Variants in TRAM1 observed in about 807,000 individuals in gnomAD.
The protein encoded by TRAM1 is translocation associated membrane protein 1.
TRAM1 carries 17 observed loss-of-function variants against 48.7 expected under a neutral mutation model. The observed-to-expected ratio is 0.35, with a 90% CI of 0.24 to 0.52. The LOEUF (loss-of-function observed/expected upper bound fraction) is 0.52, where lower values mean the gene tolerates loss of function less well. Ranked by LOEUF, TRAM1 falls within the 20% of genes least tolerant of loss-of-function variation. The pLI is 0.94. For synonymous variants in TRAM1, 182 were observed against 154.0 expected (o/e 1.18, Z -1.34); for missense variants, 351 against 441.5 (o/e 0.79, Z 1.84).
chr8:70,592,180 T>G (rs1322434107), intron 6 of TRAM1, among the ~76,000 whole-genome samples: 3 of 152,226 alleles, frequency 2.0e-5, no homozygotes, highest in African/African-American at 7.2e-5. Context: ...ATTTTGAATC[T>G]TCTCATGGGC....
intron 8 of TRAM1, among the ~76,000 whole-genome samples, chr8:70,586,648 A>T (rs12549927): frequency 1.3e-5 from 2 of 152,198 alleles, no homozygotes; most frequent in Admixed American, 1.3e-4. Context: ...TAAAAGTTAT[A>T]ACAGAAAAGT....
At chr8:70,605,356 C>T (rs559314316) in intron 1 of TRAM1, among the ~76,000 whole-genome samples, 1 of 152,280 alleles carries the variant, frequency 6.6e-6, no homozygotes, top group Admixed American at 6.5e-5. Flanking sequence ...AGCTGCAGAG[C>T]CCTAACTTGA....
intron 4 of TRAM1, among the ~76,000 whole-genome samples, chr8:70,597,499 G>A (rs991382753): frequency 2.0e-5 from 3 of 151,708 alleles, no homozygotes; most frequent in Non-Finnish European, 2.9e-5. Context: ...GTGAAACCTT[G>A]TTTCTACTAA....
intron 8 of TRAM1, 52 bp from the exon 9 acceptor site, chr8:70,583,845 C>A (rs371644571): frequency 6.6e-7 from 1 of 1,512,322 alleles, no homozygotes. Context: ...AAACAAGATT[C>A]TATTAGAAAT....
At chr8:70,596,392 C>A in intron 4 of TRAM1, 71 bp from the exon 5 acceptor site, 1 of 1,182,706 alleles carries the variant, frequency 8.5e-7, no homozygotes, top group Non-Finnish European at 1.2e-6. Flanking sequence ...GCATTACTTT[C>A]ATTTCTCAAA....
chr8:70,597,385 A>T (rs1475169606), intron 4 of TRAM1, among the ~76,000 whole-genome samples: 10 of 152,142 alleles, frequency 6.6e-5, no homozygotes, highest in African/African-American at 9.7e-5. Context: ...AAGATACAAA[A>T]GTAAGGCCGG....
Position 70,582,618 on chromosome 8 carries a change from TGTTATA to T in TRAM1, c.1051+540_1051+545del, listed in dbSNP as rs371949673. Among the ~76,000 whole-genome samples the T allele has an allele frequency of 2.0e-3, 309 of 151,824 alleles. 2 individuals carry two copies. The highest frequency in any genetic ancestry group is 7.3e-3 in the African/African-American group (301 of 41,336). Reference sequence around the variant, plus strand: ...GTGGACATACTCTAAAAACTTCCTGTGTTATAGTTCTAAGCCTAATACCACATACAC... The same window carrying T: ...GTGGACATACTCTAAAAACTTCCTGTGTTCTAAGCCTAATACCACATACAC... On this transcript the variant is annotated intron_variant, in intron 10 of 10. Coordinates refer to ENST00000262213, the MANE Select transcript of TRAM1 (RefSeq NM_014294.6).
chr8:70,605,104 C>G (rs1817691822), intron 1 of TRAM1, among the ~76,000 whole-genome samples: 1 of 152,168 alleles, frequency 6.6e-6, no homozygotes, highest in African/African-American at 2.4e-5. Context: ...TATGTATAAT[C>G]TCTTTAGATG....
At chr8:70,603,254 A>G (rs1817642367) in intron 1 of TRAM1, among the ~76,000 whole-genome samples, 1 of 150,796 alleles carries the variant, frequency 6.6e-6, no homozygotes, top group Non-Finnish European at 1.5e-5. Flanking sequence ...ATATATATAT[A>G]TAGTCTAAAC....
intron 1 of TRAM1, chr8:70,607,283 C>T: frequency 1.0e-6 from 1 of 985,262 alleles, no homozygotes; most frequent in Non-Finnish European, 1.2e-6. Flanking sequence ...TCCTGACATT[C>T]CCATCCTCTC....
rs150749228 is a variant in TRAM1, at chr8:70,577,929, G to A, written c.1052-2924C>T. 2.0e-3 allele frequency among the ~76,000 whole-genome samples: 312 copies of A among 152,354 alleles called. 2 individuals carry two copies. The highest frequency in any genetic ancestry group is 7.3e-3 in the African/African-American group (304 of 41,598). On this transcript the variant is annotated intron_variant, in intron 10 of 10. Transcript: ENST00000262213. The stretch of plus-strand genomic sequence containing the variant: ...GCCTCACACAGAGCCAGCACCTGCT[G>A]GTGCCTAGAGCTGCCTGCCCCGTGG...
At chr8:70,583,434 T>A in intron 9 of TRAM1, 110 bp from the exon 10 acceptor site, 1 of 1,349,698 alleles carries the variant, frequency 7.4e-7, no homozygotes, top group Non-Finnish European at 9.9e-7. Context: ...TTGAGAAAAT[T>A]GTATTAATAA....
At chr8:70,602,769 G>T (rs1236659499) in intron 1 of TRAM1, among the ~76,000 whole-genome samples, 1 of 152,138 alleles carries the variant, frequency 6.6e-6, no homozygotes, top group East Asian at 1.9e-4. Flanking sequence ...CTTTCTCTGG[G>T]AATTGAGAGG....
At chr8:70,588,923 T>C (rs553534911) in intron 6 of TRAM1, among the ~76,000 whole-genome samples, 1 of 152,234 alleles carries the variant, frequency 6.6e-6, no homozygotes, top group African/African-American at 2.4e-5. Context: ...GGGTTGCTGC[T>C]GGCAGGCTGA....
chr8:70,599,644 C>T (rs1040709843), intron 2 of TRAM1, among the ~76,000 whole-genome samples: 3 of 152,130 alleles, frequency 2.0e-5, no homozygotes, highest in African/African-American at 7.2e-5. Context: ...CAAAATGTAA[C>T]TTACAGAAAA....
At chr8:70,583,863 C>T (rs1331910516) in intron 8 of TRAM1, 70 bp from the exon 9 acceptor site, 11 of 1,488,340 alleles carry the variant, frequency 7.4e-6, no homozygotes, top group African/African-American at 1.4e-5. Context: ...AATTAGATTC[C>T]TAAGTTGGGC....
At chr8:70,592,615 A>G (rs1283320772) in intron 6 of TRAM1, among the ~76,000 whole-genome samples, 5 of 152,256 alleles carry the variant, frequency 3.3e-5, no homozygotes, top group Non-Finnish European at 4.4e-5. Flanking sequence ...ATGAACAATT[A>G]CTTTGAAATG....
intron 10 of TRAM1, among the ~76,000 whole-genome samples, chr8:70,581,854 A>G (rs1817082278): frequency 6.6e-6 from 1 of 152,220 alleles, no homozygotes; most frequent in Non-Finnish European, 1.5e-5. Context: ...AGCATTATCC[A>G]TTTGCAAAAC....
chr8:70,585,418 A>T (rs375375017), intron 8 of TRAM1, among the ~76,000 whole-genome samples: 4 of 152,004 alleles, frequency 2.6e-5, no homozygotes, highest in Non-Finnish European at 4.4e-5. Flanking sequence ...AAGCCAAAAT[A>T]GACAAATGGG....
Sources: gnomAD v4.1 joint callset for allele counts (sites outside exome capture counted in the v4.1 genomes callset) on GRCh38, gnomAD v4.1.1 for gene constraint, MANE v1.5 for transcripts, NCBI Gene and HGNC (gene_info 2026-07-23, HGNC 2026-07-21) for gene names.